The following MROH6 variants were observed in gnomAD, a reference collection of about 807,000 sequenced individuals.
MROH6 encodes maestro heat like repeat family member 6, also known as maestro heat-like repeat-containing protein family member 6.
MROH6 carries 62 observed loss-of-function variants against 67.7 expected under a neutral mutation model. The observed-to-expected ratio is 0.92, with a 90% CI of 0.75 to 1.13. MROH6 has a LOEUF of 1.13. MROH6 is among the 50% of genes most tolerant of loss of function. The probability of loss-of-function intolerance (pLI) is 0.00; values close to 1 mark genes in which losing one functional copy is unlikely to be tolerated. For missense variants in MROH6, 1,175 were observed against 1,029.1 expected, an observed-to-expected ratio of 1.14 and a Z score of -1.94; for synonymous variants, 566 against 470.8, an observed-to-expected ratio of 1.20 and a Z score of -2.62.
Position 143,567,691 on chromosome 8 carries a change from A to G in MROH6, c.1868-15T>C, listed in dbSNP as rs558202427. On this transcript the variant is annotated splice_polypyrimidine_tract_variant and intron_variant, in intron 12 of 13. Transcript: ENST00000398882. ...GACAAGGAAGCCTGGACCACAGCAG[A>G]TGCATGAGTGCAGGCCCCACAGCCC... The G allele has an allele frequency of 1.3e-5, 21 of 1,579,514 alleles. No individual in the cohort carries two copies. In the South Asian group the frequency reaches 2.3e-4, roughly 17 times the overall value.
chr8:143,570,628 AG>A lies in MROH6; in HGVS notation c.749del (p.Ala250ValfsTer59). On this transcript the variant is annotated frameshift_variant, in exon 5 of 14. Coordinates refer to ENST00000398882, the MANE Select transcript of MROH6 (RefSeq NM_001100878.2). LOFTEE classifies it high-confidence loss of function. The stretch of plus-strand genomic sequence containing the variant: ...TCGTGGCTCCCACGCAGCCCGAAAC[AG>A]CCAGCATCTCCCCAAGAGCACGTGT... ...AATRALGEML[A>X]VSGCVGATRG... The A allele has an allele frequency of 6.3e-7, 1 of 1,599,284 alleles. No homozygotes were observed. The highest frequency in any genetic ancestry group is 1.7e-4 in the Middle Eastern group (1 of 6,060).
In MROH6 at chr8:143,570,902, G is replaced by C; in HGVS notation, c.695C>G (p.Ser232Trp). ...CGCCAGTGCCTGGGGCTCCGGCCCC[G>C]AAGCACCCTTCAGCGCCCACAGCAG... is the stretch of plus-strand genomic sequence containing the variant. Reference protein sequence around the residue: ...VQLLWALKGASGPEPQALAAT... With the variant: ...VQLLWALKGAWGPEPQALAAT... Residue 232 changes from serine (S) to tryptophan (W), a missense_variant, in exon 4 of 14, where the codon TCG becomes TGG. Transcript: ENST00000398882. 7.8e-7 allele frequency: 1 copy of C among 1,289,366 alleles called. No homozygotes were observed. The highest frequency in any genetic ancestry group is 1.0e-6 in the Non-Finnish European group (1 of 989,398). The allele number at this position is 1,289,366 out of a possible 1,614,324, so 79.9% of individuals were successfully genotyped here. A position where few individuals can be genotyped will look rare whatever the true frequency, so the allele number is the denominator to read the frequency against.
At chr8:143,571,118 T>C in intron 3 of MROH6, 124 bp from the exon 4 acceptor site, 1 of 689,054 alleles carries the variant, frequency 1.5e-6, no homozygotes, top group South Asian at 1.8e-5. Context: ...AGGAAACCCC[T>C]CCCATCTCCC....
rs2130644791 is a variant in MROH6 at position 143,570,362 on chromosome 8, C to G, written c.924G>C (p.Leu308Phe). 1 of 1,611,036 alleles carries G rather than the reference C, an allele frequency of 6.2e-7. No homozygotes were observed. The highest frequency in any genetic ancestry group is 1.1e-5 in the South Asian group (1 of 91,056). The change falls in exon 6 of 14, where the codon TTG becomes TTC. Residue 308 changes from leucine to phenylalanine, a missense_variant. Physicochemically the swap from Leu to Phe is conservative, Grantham distance 22. Coordinates refer to ENST00000398882, the MANE Select transcript of MROH6 (RefSeq NM_001100878.2). ...HSHASCAVEA[L>F]KALLTGDGGR... ...CTCCATCCCCGGTGAGCAGCGCCTT[C>G]AAGGCCTCCACAGCACAGCTGGTGG... is the stretch of plus-strand genomic sequence containing the variant.
chr8:143,570,161 C>T (rs1587018034), intron 6 of MROH6, 82 bp downstream of exon 6: 4 of 1,559,610 alleles, frequency 2.6e-6, no homozygotes, highest in Non-Finnish European at 3.5e-6. Context: ...CCTGCCTTTT[C>T]CCTGTCCCCC....
In MROH6 at chr8:143,571,677, G is replaced by T. The variant is rs1219835326; in HGVS notation, c.592C>A (p.Pro198Thr). The change falls in exon 3 of 14, where the codon CCC becomes ACC. Residue 198 changes from proline (P) to threonine (T), a missense_variant. Pro to Thr is a conservative substitution (Grantham distance 38). Coordinates refer to ENST00000398882, the MANE Select transcript of MROH6 (RefSeq NM_001100878.2). ...VVCALLPRSL[P>T]ADRVAAELWR... The stretch of plus-strand genomic sequence containing the variant: ...GGACGGTTGGGTTACCGATCGGCGG[G>T]CAGAGAGCGGGGTAGCAGCGCACAC... 1 of 1,556,570 alleles carries T rather than the reference G, an allele frequency of 6.4e-7. No homozygotes were observed. The highest frequency in any genetic ancestry group is 1.9e-5 in the Admixed American group (1 of 52,160).
In MROH6 at chr8:143,572,449, AG is replaced by A; in HGVS notation, c.265del (p.Leu89TrpfsTer76). On this transcript the variant is annotated frameshift_variant, in exon 1 of 14. Transcript: ENST00000398882. LOFTEE classifies it high-confidence loss of function. The stretch of plus-strand genomic sequence containing the variant: ...GTGGGGCCCCTCAGGGGCTGGTTCC[AG>A]GGCACTGTTGAGGGAGCAGGGCTCG... ...GSEPCSLNSA[L>X]EPAPEGPHQV... 6.3e-7 allele frequency: 1 copy of A among 1,594,514 alleles called. No individual in the cohort carries two copies. Among genetic ancestry groups the A allele is most frequent in the Non-Finnish European group, 8.5e-7 (1 of 1,173,966 alleles).
Position 143,567,377 on chromosome 8 carries a change from G to T in MROH6, c.2022C>A (p.Ala674=). Residue 674 remains alanine, a synonymous_variant, in exon 14 of 14, where the codon GCC becomes GCA. Coordinates refer to ENST00000398882, the MANE Select transcript of MROH6 (RefSeq NM_001100878.2). ...GGCGGGGCCCGCGGGGGCAGCCCCGGGCACGGGCCAGCATCGCCACCTGCT... is the reference window on the plus strand; with the variant it reads ...GGCGGGGCCCGCGGGGGCAGCCCCGTGCACGGGCCAGCATCGCCACCTGCT... The part of the protein sequence containing the change: ...SAQQVAMLAR[A]RGCPRGPRLL... 1 of 1,236,596 alleles carries T rather than the reference G, an allele frequency of 8.1e-7. No individual in the cohort carries two copies. 76.6% of individuals were successfully genotyped at this position (1,236,596 alleles called of 1,614,324 possible). A position where few individuals can be genotyped will look rare whatever the true frequency, so the allele number is the denominator to read the frequency against.
In MROH6 at chr8:143,572,069, T is replaced by G; in HGVS notation, c.411A>C (p.Ser137=). ...ACCGCTCGCCCCGGGCCTCCAGGGC[T>G]GAGGACAGGGTGAGCACTGTCGCCT... is the stretch of plus-strand genomic sequence containing the variant. ...GTQATVLTLS[S]ALEARGERLE... The change falls in exon 2 of 14, where the codon TCA becomes TCC. Residue 137 remains serine, a synonymous_variant. Transcript: ENST00000398882. The G allele has an allele frequency of 6.2e-7, 1 of 1,612,538 alleles. No individual in the cohort carries two copies. Among genetic ancestry groups the G allele is most frequent in the Non-Finnish European group, 8.5e-7 (1 of 1,179,668 alleles).
At position 143,566,387 on chromosome 8, in the gene MROH6, A is replaced by T. The variant is rs1443497847; in HGVS notation, c.*852T>A. 1 of 152,324 alleles carries T rather than the reference A, an allele frequency of 6.6e-6. No homozygotes were observed. Among genetic ancestry groups the T allele is most frequent in the Non-Finnish European group, 1.5e-5 (1 of 68,084 alleles). The allele number at this position is 152,324 out of a possible 1,614,324, so 9.4% of individuals were successfully genotyped here. A position where few individuals can be genotyped will look rare whatever the true frequency, so the allele number is the denominator to read the frequency against. ...GGCTGTGAAGGAGGCCACGAATGCA[A>T]GGACATTTCCAGGCAGGCATCCTAG... is the stretch of plus-strand genomic sequence containing the variant. On this transcript the variant is annotated 3_prime_UTR_variant, in exon 14 of 14. Coordinates refer to ENST00000398882, the MANE Select transcript of MROH6 (RefSeq NM_001100878.2).
chr8:143,570,299 G>GC lies in MROH6; in HGVS notation c.986dup (p.Trp330LeufsTer212). 6.2e-7 allele frequency: 1 copy of GC among 1,608,076 alleles called. No individual in the cohort carries two copies. The highest frequency in any genetic ancestry group is 1.3e-5 in the African/African-American group (1 of 74,996). ...TGTGGGCTCCCACCAGCCTCCTCCA[G>GC]CCTCCTGCCTGCTCCATGCACGTGA... On this transcript the variant is annotated frameshift_variant, in exon 6 of 14. Transcript: ENST00000398882. LOFTEE classifies it high-confidence loss of function.
Position 143,571,004 on chromosome 8 carries a change from T to C in MROH6, c.603-10A>G, listed in dbSNP as rs1316359031. On this transcript the variant is annotated splice_polypyrimidine_tract_variant and intron_variant, in intron 3 of 13. Transcript: ENST00000398882. Reference sequence around the variant, plus strand: ...GAGCTCGGCTGCTACCCTGAGGGTTTGGAGGGGGCTGGTGTGAGACAAGAG... The same window carrying C: ...GAGCTCGGCTGCTACCCTGAGGGTTCGGAGGGGGCTGGTGTGAGACAAGAG... The C allele has an allele frequency of 6.5e-7, 1 of 1,547,912 alleles. No individual in the cohort carries two copies. Among genetic ancestry groups the C allele is most frequent in the African/African-American group, 1.4e-5 (1 of 72,952 alleles).
Position 143,567,809 on chromosome 8 carries a change from C to T in MROH6, c.1844G>A (p.Arg615His), listed in dbSNP as rs200867692. ...ACCTATAAGCACGGCGGCTGCCCGGCGCAGGGGGTCCTGTGGACTCCGCAG... is the reference window on the plus strand; with the variant it reads ...ACCTATAAGCACGGCGGCTGCCCGGTGCAGGGGGTCCTGTGGACTCCGCAG... ...GYLRSPQDPL[R>H]RAAAVLIGFL... The change falls in exon 12 of 14, where the codon CGC becomes CAC. Residue 615 changes from arginine to histidine, a missense_variant. Arg to His is a conservative substitution (Grantham distance 29). Transcript: ENST00000398882. 20 of 1,536,712 alleles carry T rather than the reference C, an allele frequency of 1.3e-5. No homozygotes were observed. The highest frequency in any genetic ancestry group is 2.5e-5 in the South Asian group (2 of 79,978).
chr8:143,570,291 C>A lies in MROH6; in HGVS notation c.995G>T (p.Arg332Met). 6.2e-7 allele frequency: 1 copy of A among 1,606,766 alleles called. No homozygotes were observed. The highest frequency in any genetic ancestry group is 8.5e-7 in the Non-Finnish European group (1 of 1,178,712). The change falls in exon 6 of 14, where the codon AGG becomes ATG. Residue 332 changes from arginine to methionine, a missense_variant. Coordinates refer to ENST00000398882, the MANE Select transcript of MROH6 (RefSeq NM_001100878.2). The part of the protein sequence containing the change: ...TCMEQAGGWR[R>M]LVGAHTHLEG... ...CAGGTGGGTGTGGGCTCCCACCAGCCTCCTCCAGCCTCCTGCCTGCTCCAT... is the reference window on the plus strand; with the variant it reads ...CAGGTGGGTGTGGGCTCCCACCAGCATCCTCCAGCCTCCTGCCTGCTCCAT...
At position 143,571,748 on chromosome 8, in the gene MROH6, A is replaced by G; in HGVS notation, c.521T>C (p.Leu174Pro). The G allele has an allele frequency of 6.5e-7, 1 of 1,549,200 alleles. No individual in the cohort carries two copies. The highest frequency in any genetic ancestry group is 2.0e-5 in the Admixed American group (1 of 51,210). The change falls in exon 3 of 14, where the codon CTG (leucine) becomes CCG (proline). Residue 174 changes from leucine to proline, a missense_variant. By Grantham distance (98) the Leu-to-Pro change is moderately conservative. Coordinates refer to ENST00000398882, the MANE Select transcript of MROH6 (RefSeq NM_001100878.2). Reference sequence around the variant, plus strand: ...CAGGGCCAGTGCGCTCAGCACTCGCAGGGCCGCCCTCCAGGGCCTCCCCTC... The same window carrying G: ...CAGGGCCAGTGCGCTCAGCACTCGCGGGGCCGCCCTCCAGGGCCTCCCCTC... The part of the protein sequence containing the change: ...LAEGRPWRAA[L>P]RVLSALALEH...
intron 4 of MROH6, 21 bp downstream of exon 4, chr8:143,570,856 G>A (rs2130651856): frequency 7.5e-7 from 1 of 1,329,136 alleles, no homozygotes; most frequent in Non-Finnish European, 1.0e-6. Flanking sequence ...CCACCCCCTG[G>A]TAATGGCTGG....
rs974352167 is a variant in MROH6, at chr8:143,569,445, T to C, written c.1472A>G (p.Asp491Gly). ...GGAGGCGGGGCGTTTGCTCACGTCG[T>C]CCAGTAGCGGAGGGAGGCGCGGTCC... is the stretch of plus-strand genomic sequence containing the variant. ...ELGPRLPPLL[D>G]DTRDSIRASA... is the part of the protein sequence containing the mutation. The change falls in exon 9 of 14, where the codon GAC becomes GGC. Residue 491 changes from aspartate (D) to glycine (G), a missense_variant. By Grantham distance (94) the Asp-to-Gly change is moderately conservative (BLOSUM62 -1). Coordinates refer to ENST00000398882, the MANE Select transcript of MROH6 (RefSeq NM_001100878.2). The C allele has an allele frequency of 4.8e-6, 7 of 1,451,160 alleles. No homozygotes were observed. The East Asian group carries it at 1.7e-4, about 35-fold the overall frequency. 89.9% of individuals were successfully genotyped at this position (1,451,160 alleles called of 1,614,324 possible).
At position 143,567,650 on chromosome 8, in the gene MROH6, C is replaced by G; in HGVS notation, c.1894G>C (p.Gly632Arg). 1.3e-6 allele frequency: 2 copies of G among 1,574,586 alleles called. No individual in the cohort carries two copies. The highest frequency in any genetic ancestry group is 1.7e-6 in the Non-Finnish European group (2 of 1,160,908). The change falls in exon 13 of 14, where the codon GGC becomes CGC. Residue 632 changes from glycine (G) to arginine (R), a missense_variant. Gly to Arg is a moderately radical substitution (Grantham distance 125). Transcript: ENST00000398882. ...IGFLVHHASP[G>R]CVNQDLLDSL... ...TCCAGCAGGTCCTGGTTGACACAGCCGGGGCTGGCGTGGTGGACAAGGAAG... is the reference window on the plus strand; with the variant it reads ...TCCAGCAGGTCCTGGTTGACACAGCGGGGGCTGGCGTGGTGGACAAGGAAG...
In MROH6 at chr8:143,569,578, C is replaced by T. The variant is rs1236092136; in HGVS notation, c.1339G>A (p.Gly447Ser). The change falls in exon 9 of 14, where the codon GGC (glycine) becomes AGC (serine). Residue 447 changes from glycine (G) to serine (S), a missense_variant. Gly to Ser is a moderately conservative substitution (Grantham distance 56, BLOSUM62 0). Transcript: ENST00000398882. ...HVSTLLPALL[G>S]ALGEGDARLV... ...CGCGCGTCGCCTTCGCCCAGTGCGCCCAGGAGCGCCGGCAGCAGCGTGCTC... is the reference window on the plus strand; with the variant it reads ...CGCGCGTCGCCTTCGCCCAGTGCGCTCAGGAGCGCCGGCAGCAGCGTGCTC... The T allele has an allele frequency of 1.3e-6, 2 of 1,563,200 alleles. No homozygotes were observed. Among genetic ancestry groups the T allele is most frequent in the South Asian group, 2.3e-5 (2 of 85,154 alleles).
Sources: allele counts gnomAD v4.1 joint callset, GRCh38; gene constraint gnomAD v4.1.1; transcripts MANE v1.5; gene names NCBI Gene and HGNC (gene_info 2026-07-23, HGNC 2026-07-21).